LSMEM2: variants seen among roughly 807,000 people sequenced by gnomAD.
LSMEM2 encodes leucine-rich single-pass membrane protein 2.
LSMEM2 carries 20 observed loss-of-function variants against 17.3 expected under a neutral mutation model. The ratio of observed to expected loss-of-function variants is 1.16; its 90% CI spans 0.81 to 1.68. The LOEUF (loss-of-function observed/expected upper bound fraction) is 1.68, where lower values mean the gene tolerates loss of function less well. Ranked by LOEUF, LSMEM2 falls within the 40% of genes most tolerant of loss-of-function variation. LSMEM2 has a pLI of 0.00. For missense variants in LSMEM2, 207 were observed against 214.3 expected (o/e 0.97, Z 0.21); for synonymous variants, 94 against 97.8 (o/e 0.96, Z 0.23).
At chr3:50,282,812 A>G (rs1283924118) in intron 1 of LSMEM2, among the ~76,000 whole-genome samples, 2 of 151,630 alleles carry the variant, frequency 1.3e-5, no homozygotes, top group East Asian at 3.9e-4. Flanking sequence ...TGAACCCAGG[A>G]GGCAGAAGTT....
At chr3:50,284,761 C>T (rs782243109) in intron 1 of LSMEM2, among the ~76,000 whole-genome samples, 2 of 151,940 alleles carry the variant, frequency 1.3e-5, no homozygotes, top group Admixed American at 6.6e-5. Flanking sequence ...TCAGGCCAGG[C>T]GCGATGGCTC....
At position 50,287,914 on chromosome 3, in the gene LSMEM2, G is replaced by A; in HGVS notation, c.*712G>A. On this transcript the variant is annotated 3_prime_UTR_variant, in exon 4 of 4. Transcript: ENST00000316436. ...GCAAGGCCTGAGAAAGGAAAGGAAG[G>A]GAAAGGCCCCCTAGTGCCTGCCCCA... The A allele has an allele frequency of 4.6e-6, 2 of 436,394 alleles. No individual in the cohort carries two copies. Among genetic ancestry groups the A allele is most frequent in the South Asian group, 3.0e-5 (1 of 33,856 alleles). The allele number at this position is 436,394 out of a possible 1,614,324, so 27.0% of individuals were successfully genotyped here. A position where few individuals can be genotyped will look rare whatever the true frequency, so the allele number is the denominator to read the frequency against.
chr3:50,285,187 C>T (rs1701485644), intron 1 of LSMEM2, among the ~76,000 whole-genome samples: 1 of 151,948 alleles, frequency 6.6e-6, no homozygotes, highest in African/African-American at 2.4e-5. Context: ...TAAAAAGTAG[C>T]TGGGTGTGGT....
chr3:50,281,443 A>G (rs1319200327), intron 1 of LSMEM2, among the ~76,000 whole-genome samples: 1 of 143,646 alleles, frequency 7.0e-6, no homozygotes, highest in African/African-American at 2.6e-5. Flanking sequence ...GCTCACTGCA[A>G]CCTCTGCCTC....
At chr3:50,283,625 T>A (rs1352814363) in intron 1 of LSMEM2, among the ~76,000 whole-genome samples, 3 of 66,790 alleles carry the variant, frequency 4.5e-5, no homozygotes, top group African/African-American at 1.2e-4. Flanking sequence ...AGACTCCATC[T>A]CAAAAAAAAA....
At chr3:50,282,436 C>T (rs1398398338) in intron 1 of LSMEM2, among the ~76,000 whole-genome samples, 7 of 152,228 alleles carry the variant, frequency 4.6e-5, no homozygotes, top group Non-Finnish European at 1.0e-4. Context: ...CTGAGAATGA[C>T]AGTCCCAGAG....
intron 1 of LSMEM2, among the ~76,000 whole-genome samples, chr3:50,280,595 C>CTTT (rs58315474): frequency 1.5e-5 from 2 of 136,378 alleles, no homozygotes; most frequent in Admixed American, 7.4e-5. Context: ...CCTTTCTTTT[C>CTTT]TTTTTTTTTT....
At position 50,287,240 on chromosome 3, in the gene LSMEM2, G is replaced by T. The variant is rs587769415; in HGVS notation, c.*38G>T. On this transcript the variant is annotated 3_prime_UTR_variant, in exon 4 of 4. Transcript: ENST00000316436. ...ATCTGGGGCCTGGGGGTGTGTGTTGGTGGGGGAATAAAGTGGCTATGGGCA... is the reference window on the plus strand; with the variant it reads ...ATCTGGGGCCTGGGGGTGTGTGTTGTTGGGGGAATAAAGTGGCTATGGGCA... The T allele has an allele frequency of 2.5e-6, 4 of 1,609,472 alleles. 1 individual carries two copies. In the East Asian group the frequency reaches 6.9e-5, roughly 28 times the overall value.
chr3:50,283,363 C>T lies in LSMEM2; in HGVS notation c.59-3108C>T, dbSNP rs937876722. Among the ~76,000 whole-genome samples, 3 of 152,028 alleles carry T rather than the reference C, an allele frequency of 2.0e-5. No individual in the cohort carries two copies. In the South Asian group the frequency reaches 6.2e-4, roughly 32 times the overall value. On this transcript the variant is annotated intron_variant, in intron 1 of 3. Transcript: ENST00000316436. ...CAAAAATTGGCCGGGCGCGGTGGTT[C>T]ACACCTGTAATCCCAGAACTTTGGG... is the stretch of plus-strand genomic sequence containing the variant.
chr3:50,280,807 A>G (rs1205940792), intron 1 of LSMEM2, among the ~76,000 whole-genome samples: 1 of 151,352 alleles, frequency 6.6e-6, no homozygotes, highest in Non-Finnish European at 1.5e-5. Context: ...GTTAGCCGGC[A>G]TGGTCTCGAT....
chr3:50,286,846 G>A lies in LSMEM2; in HGVS notation c.345G>A (p.Leu115=). Residue 115 remains leucine, a synonymous_variant, in exon 3 of 4, where the codon CTG becomes CTA. Coordinates refer to ENST00000316436, the MANE Select transcript of LSMEM2 (RefSeq NM_153215.3). ...LVLTCLVLAL[L]AVYLSVLQSE... is the part of the protein sequence containing the mutation. ...TCACTTGCCTAGTGCTCGCACTCCT[G>A]GCTGTCTACCTGAGCGGTATGGACG... is the stretch of plus-strand genomic sequence containing the variant. 6.2e-7 allele frequency: 1 copy of A among 1,613,740 alleles called. No homozygotes were observed. The highest frequency in any genetic ancestry group is 8.5e-7 in the Non-Finnish European group (1 of 1,180,018).
At chr3:50,279,718 A>G (rs995064144) in intron 1 of LSMEM2, among the ~76,000 whole-genome samples, 2 of 152,112 alleles carry the variant, frequency 1.3e-5, no homozygotes, top group African/African-American at 2.4e-5. Flanking sequence ...ACCACTGCAT[A>G]TAAGAAGTAC....
At position 50,287,312 on chromosome 3, in the gene LSMEM2, T is replaced by C. The variant is rs1701574377; in HGVS notation, c.*110T>C. ...GGCTGCCACATCTACACTATTTCCT[T>C]GGTGAGATTTTTGTACAAGAACCTG... On this transcript the variant is annotated 3_prime_UTR_variant, in exon 4 of 4. Coordinates refer to ENST00000316436, the MANE Select transcript of LSMEM2 (RefSeq NM_153215.3). 2.1e-6 allele frequency: 3 copies of C among 1,423,612 alleles called. No individual in the cohort carries two copies. Among genetic ancestry groups the C allele is most frequent in the Non-Finnish European group, 9.7e-7 (1 of 1,031,242 alleles). 88.2% of individuals were successfully genotyped at this position (1,423,612 alleles called of 1,614,324 possible).
At chr3:50,282,412 G>A (rs944106179) in intron 1 of LSMEM2, among the ~76,000 whole-genome samples, 9 of 152,206 alleles carry the variant, frequency 5.9e-5, no homozygotes, top group Non-Finnish European at 8.8e-5. Context: ...AATCATGGAG[G>A]TTGAGTTACT....
chr3:50,278,688 T>C (rs6776145), upstream of LSMEM2, among the ~76,000 whole-genome samples: 30,399 of 152,154 alleles, frequency 0.2, 4,171 homozygotes, highest in East Asian at 0.66. Context: ...TAGCAGGTCA[T>C]GCAGTGGAGG....
chr3:50,279,117 C>G lies in LSMEM2; in HGVS notation c.4C>G (p.Pro2Ala). 3 of 1,614,144 alleles carry G rather than the reference C, an allele frequency of 1.9e-6. No homozygotes were observed. Among genetic ancestry groups the G allele is most frequent in the Non-Finnish European group, 1.7e-6 (2 of 1,179,978 alleles). The change falls in exon 1 of 4, where the codon CCA becomes GCA. Residue 2 changes from proline to alanine, a missense_variant. By Grantham distance (27) the Pro-to-Ala change is conservative. Coordinates refer to ENST00000316436, the MANE Select transcript of LSMEM2 (RefSeq NM_153215.3). ...ATTTGTCCAGTCCTGCTACTGGATG[C>G]CATCATTGGCCCCCGACTGCCCACT... Reference protein sequence around the residue: MPSLAPDCPLLA... With the variant: MASLAPDCPLLA...
intron 1 of LSMEM2, among the ~76,000 whole-genome samples, chr3:50,280,888 C>T (rs587638223): frequency 2.0e-5 from 3 of 151,616 alleles, no homozygotes; most frequent in South Asian, 2.1e-4. Flanking sequence ...CTACCGCGCC[C>T]GGCCAGCCAC....
intron 1 of LSMEM2, among the ~76,000 whole-genome samples, chr3:50,280,516 G>A (rs2109260010): frequency 6.6e-6 from 1 of 151,726 alleles, no homozygotes; most frequent in East Asian, 1.9e-4. Context: ...TCATGCATGT[G>A]TGTGTGTAGA....
intron 1 of LSMEM2, among the ~76,000 whole-genome samples, chr3:50,280,374 C>G (rs1553707618): frequency 6.6e-6 from 1 of 151,956 alleles, no homozygotes; most frequent in Non-Finnish European, 1.5e-5. Context: ...AGGCTGGTCT[C>G]AAACTCCTGA....
Sources: gnomAD v4.1 joint callset for allele counts (sites outside exome capture counted in the v4.1 genomes callset) on GRCh38, gnomAD v4.1.1 for gene constraint, MANE v1.5 for transcripts, NCBI Gene and HGNC (gene_info 2026-07-23, HGNC 2026-07-21) for gene names.